Variants in ROBO1 observed in about 807,000 individuals in gnomAD.
ROBO1 encodes roundabout homolog 1.
A neutral mutation model predicts 195.9 loss-of-function variants in ROBO1; 149 were observed. The ratio of observed to expected loss-of-function variants is 0.76; its 90% CI spans 0.67 to 0.87. ROBO1 has a LOEUF of 0.87. ROBO1 is among the 40% of genes least tolerant of loss of function. The pLI is 0.00. For missense variants in ROBO1, 1,933 were observed against 2,068.3 expected, an observed-to-expected ratio of 0.93 and a Z score of 1.27; for synonymous variants, 816 against 733.2, an observed-to-expected ratio of 1.11 and a Z score of -1.82.
chr3:78,748,798 TA>T (rs147312468), intron 4 of ROBO1, among the ~76,000 whole-genome samples: 12,154 of 152,206 alleles, frequency 0.08, 1,034 homozygotes, highest in African/African-American at 0.22. Context: ...ACTATGTTAA[TA>T]TTTGGAAACT....
chr3:78,947,218 A>G (rs2040496353), intron 3 of ROBO1, among the ~76,000 whole-genome samples: 1 of 152,200 alleles, frequency 6.6e-6, no homozygotes, highest in African/African-American at 2.4e-5. Flanking sequence ...AACAGAATAT[A>G]CATTCTTTTC....
At chr3:79,039,651 T>C (rs2078445623) in intron 3 of ROBO1, among the ~76,000 whole-genome samples, 1 of 151,644 alleles carries the variant, frequency 6.6e-6, no homozygotes, top group Non-Finnish European at 1.5e-5. Flanking sequence ...AAAAATTAGC[T>C]GGACATGGTG....
chr3:79,751,350 CA>C (rs1412221672), intron 1 of ROBO1, among the ~76,000 whole-genome samples: 1 of 151,928 alleles, frequency 6.6e-6, no homozygotes, highest in African/African-American at 2.4e-5. Context: ...TTATTAATTG[CA>C]AAAATGTCTT....
At chr3:79,765,192 G>A (rs989723574) in intron 1 of ROBO1, among the ~76,000 whole-genome samples, 12 of 152,234 alleles carry the variant, frequency 7.9e-5, no homozygotes, top group African/African-American at 2.9e-4. Flanking sequence ...AATTGGAAGA[G>A]GCATGGAGCA....
chr3:78,790,699 A>C (rs2083991837), intron 4 of ROBO1, among the ~76,000 whole-genome samples: 1 of 152,202 alleles, frequency 6.6e-6, no homozygotes, highest in African/African-American at 2.4e-5. Context: ...ATAAAACAGA[A>C]AGTCCCAAGG....
chr3:78,935,212 T>C (rs747315581), intron 4 of ROBO1, among the ~76,000 whole-genome samples: 11 of 152,210 alleles, frequency 7.2e-5, no homozygotes, highest in South Asian at 2.1e-4. Flanking sequence ...AAAATACATA[T>C]ACACTTTTAG....
At chr3:79,737,656 C>A (rs1426321660) in intron 1 of ROBO1, among the ~76,000 whole-genome samples, 6 of 149,226 alleles carry the variant, frequency 4.0e-5, no homozygotes, top group Admixed American at 6.7e-5. Flanking sequence ...TTTGTCCTAT[C>A]AAAAAAAAAA....
intron 2 of ROBO1, among the ~76,000 whole-genome samples, chr3:79,501,440 G>A (rs1413661706): frequency 2.0e-5 from 3 of 152,144 alleles, no homozygotes; most frequent in South Asian, 2.1e-4. Context: ...AATATTAAAT[G>A]CAAATGTGAT....
chr3:79,478,775 G>A (rs1938676030), intron 2 of ROBO1, among the ~76,000 whole-genome samples: 1 of 152,088 alleles, frequency 6.6e-6, no homozygotes, highest in African/African-American at 2.4e-5. Context: ...GCTCTCCCAG[G>A]AAGCTTTGCT....
At chr3:79,386,082 G>T (rs890962711) in intron 2 of ROBO1, among the ~76,000 whole-genome samples, 1 of 152,120 alleles carries the variant, frequency 6.6e-6, no homozygotes, top group South Asian at 2.1e-4. Flanking sequence ...CTATCAAAAT[G>T]CCTGGACACT....
intron 28 of ROBO1, among the ~76,000 whole-genome samples, chr3:78,608,264 C>T (rs886257622): frequency 6.6e-6 from 1 of 151,784 alleles, no homozygotes. Context: ...TGCCACCACA[C>T]CCGATTAACT....
At chr3:79,382,882 G>A (rs186953368) in intron 2 of ROBO1, among the ~76,000 whole-genome samples, 80 of 152,212 alleles carry the variant, frequency 5.3e-4, no homozygotes, top group African/African-American at 1.9e-3. Flanking sequence ...TATTTTCCAG[G>A]AGGCCTTGGT....
At chr3:79,273,752 T>A (rs2030780588) in intron 2 of ROBO1, among the ~76,000 whole-genome samples, 1 of 150,426 alleles carries the variant, frequency 6.6e-6, no homozygotes, top group Non-Finnish European at 1.5e-5. Flanking sequence ...CAATCTGTTA[T>A]CAACAAGAAG....
chr3:79,556,265 G>A (rs1942695529), intron 2 of ROBO1, among the ~76,000 whole-genome samples: 1 of 151,930 alleles, frequency 6.6e-6, no homozygotes, highest in Admixed American at 6.6e-5. Context: ...AAATAATAAT[G>A]CCAAATATGA....
At chr3:79,508,298 A>T (rs1940519389) in intron 2 of ROBO1, among the ~76,000 whole-genome samples, 1 of 152,148 alleles carries the variant, frequency 6.6e-6, no homozygotes, top group Admixed American at 6.5e-5. Flanking sequence ...AGGCAAACAC[A>T]AAAGGAAGAC....
intron 2 of ROBO1, among the ~76,000 whole-genome samples, chr3:79,580,655 T>G (rs1943630995): frequency 1.3e-5 from 2 of 152,274 alleles, no homozygotes; most frequent in South Asian, 4.1e-4. Context: ...TATATATAAA[T>G]GAATTTAAAT....
intron 28 of ROBO1, among the ~76,000 whole-genome samples, chr3:78,611,763 A>G: frequency 6.6e-6 from 1 of 152,164 alleles, no homozygotes; most frequent in East Asian, 1.9e-4. Context: ...ATGAAGTTAA[A>G]ATGAGGTCAC....
At chr3:79,677,144 T>C (rs929676977) in intron 1 of ROBO1, among the ~76,000 whole-genome samples, 2 of 151,998 alleles carry the variant, frequency 1.3e-5, no homozygotes, top group Non-Finnish European at 2.9e-5. Context: ...GACTTGTTTC[T>C]ATGCAATATA....
At chr3:78,690,797 C>G (rs905235877) in intron 8 of ROBO1, among the ~76,000 whole-genome samples, 1 of 152,092 alleles carries the variant, frequency 6.6e-6, no homozygotes, top group Non-Finnish European at 1.5e-5. Flanking sequence ...GTTCAAACCA[C>G]TTACTTAAGT....
Sources: allele counts gnomAD v4.1 joint callset (sites outside exome capture counted in the v4.1 genomes callset), GRCh38; gene constraint gnomAD v4.1.1; transcripts MANE v1.5; gene names NCBI Gene and HGNC (gene_info 2026-07-23, HGNC 2026-07-21).